Variants in MIGA1 observed in about 807,000 individuals in gnomAD.
MIGA1 encodes family with sequence similarity 73, member A.
A neutral mutation model predicts 82.0 loss-of-function variants in MIGA1; 58 were observed. The observed-to-expected ratio is 0.71, with a 90% CI of 0.57 to 0.88. MIGA1 has a LOEUF of 0.88. Ranked by LOEUF, MIGA1 falls within the 40% of genes least tolerant of loss-of-function variation. The pLI, the probability that MIGA1 is intolerant of heterozygous loss-of-function variation, is 0.00. For synonymous variants in MIGA1, 249 were observed against 253.6 expected (o/e 0.98, Z 0.17); for missense variants, 751 against 749.1 (o/e 1.00, Z -0.03).
At position 77,815,056 on chromosome 1, in the gene MIGA1, A is replaced by G. The variant is rs111423694; in HGVS notation, c.772-52A>G. The G allele has an allele frequency of 1.7e-4, 210 of 1,268,004 alleles. 7 individuals are homozygous for G. In the African/African-American group the frequency reaches 2.7e-3, roughly 16 times the overall value. 78.5% of individuals were successfully genotyped at this position (1,268,004 alleles called of 1,614,324 possible). A position where few individuals can be genotyped will look rare whatever the true frequency, so the allele number is the denominator to read the frequency against. ...ATTTAAAAGTGGGAAAAATATTTAG[A>G]ATTTTAACATTAGAATTTAATTTGT... On this transcript the variant is annotated intron_variant, in intron 6 of 15. Coordinates refer to ENST00000370791, the MANE Select transcript of MIGA1 (RefSeq NM_198549.4).
chr1:77,843,123 A>C (rs1255836437), intron 7 of MIGA1, among the ~76,000 whole-genome samples, 184 bp from the exon 8 acceptor site: 1 of 152,244 alleles, frequency 6.6e-6, no homozygotes, highest in Non-Finnish European at 1.5e-5. Context: ...TTTGCTTTGT[A>C]ACATTGTCTC....
At chr1:77,855,962 T>C (rs1049524643) in intron 8 of MIGA1, among the ~76,000 whole-genome samples, 9 of 152,180 alleles carry the variant, frequency 5.9e-5, no homozygotes, top group African/African-American at 2.2e-4. Context: ...GGCATCCTTG[T>C]CTTGTTCCCA....
chr1:77,806,686 A>AATGCTTATAAATTTT (rs1553213473), intron 4 of MIGA1, among the ~76,000 whole-genome samples: 1 of 152,234 alleles, frequency 6.6e-6, no homozygotes, highest in Non-Finnish European at 1.5e-5. Context: ...TTTATAAGTG[A>AATGCTTATAAATTTT]ATGCTTAAAA....
At chr1:77,834,169 T>A (rs1279489740) in intron 7 of MIGA1, among the ~76,000 whole-genome samples, 1 of 152,154 alleles carries the variant, frequency 6.6e-6, no homozygotes, top group Non-Finnish European at 1.5e-5. Context: ...CCTCATCATA[T>A]ATAACTTTTT....
Position 77,843,296 on chromosome 1 carries a change from T to A in MIGA1, c.896-11T>A. On this transcript the variant is annotated splice_polypyrimidine_tract_variant and intron_variant, in intron 7 of 15. Coordinates refer to ENST00000370791, the MANE Select transcript of MIGA1 (RefSeq NM_198549.4). ...TATCACTTTCTGAACTTTTCACCTTTTACTTTTAAGATAAAGATACAGATA... is the reference window on the plus strand; with the variant it reads ...TATCACTTTCTGAACTTTTCACCTTATACTTTTAAGATAAAGATACAGATA... 6.3e-7 allele frequency: 1 copy of A among 1,590,932 alleles called. No individual in the cohort carries two copies. Among genetic ancestry groups the A allele is most frequent in the East Asian group, 2.2e-5 (1 of 44,654 alleles).
intron 5 of MIGA1, among the ~76,000 whole-genome samples, chr1:77,813,323 G>C (rs376532655): frequency 6.6e-6 from 1 of 151,970 alleles, no homozygotes; most frequent in Non-Finnish European, 1.5e-5. Flanking sequence ...TTATAAACCC[G>C]GTAGCTTTTT....
chr1:77,805,155 C>A (rs745751606), intron 4 of MIGA1, among the ~76,000 whole-genome samples: 1 of 151,822 alleles, frequency 6.6e-6, no homozygotes, highest in Non-Finnish European at 1.5e-5. Flanking sequence ...CCACCACGCC[C>A]GGCTAATTTT....
chr1:77,800,960 GT>G (rs879776712), intron 2 of MIGA1, among the ~76,000 whole-genome samples: 85 of 152,026 alleles, frequency 5.6e-4, no homozygotes, highest in South Asian at 1.0e-3. Flanking sequence ...TTTCCAGATA[GT>G]TTTTTTTAAA....
At chr1:77,789,512 C>A (rs1682327162) in intron 2 of MIGA1, among the ~76,000 whole-genome samples, 1 of 152,096 alleles carries the variant, frequency 6.6e-6, no homozygotes, top group African/African-American at 2.4e-5. Flanking sequence ...GTTTGGCTTT[C>A]TCTCTCTTTC....
intron 8 of MIGA1, chr1:77,848,100 A>G: frequency 7.6e-7 from 1 of 1,313,574 alleles, no homozygotes; most frequent in Non-Finnish European, 1.1e-6. Context: ...GCACCAACAG[A>G]AGCAATCCAG....
rs529837863 is a variant in MIGA1 at position 77,847,495 on chromosome 1, G to A, written c.996+4088G>A. On this transcript the variant is annotated intron_variant, in intron 8 of 15. Coordinates refer to ENST00000370791, the MANE Select transcript of MIGA1 (RefSeq NM_198549.4). ...ATGGAAAAGAAAATACAGAGAGAAC[G>A]AGAAATGGAAAAGGAAATACAGAGA... 2.7e-5 allele frequency: 38 copies of A among 1,426,548 alleles called. No homozygotes were observed. The African/African-American group carries it at 4.2e-4, about 16-fold the overall frequency. The allele number at this position is 1,426,548 out of a possible 1,614,324, so 88.4% of individuals were successfully genotyped here. A position where few individuals can be genotyped will look rare whatever the true frequency, so the allele number is the denominator to read the frequency against.
intron 2 of MIGA1, among the ~76,000 whole-genome samples, chr1:77,788,641 T>A (rs75447952): frequency 6.6e-6 from 1 of 152,174 alleles, no homozygotes; most frequent in African/African-American, 2.4e-5. Flanking sequence ...GAGTTAATTT[T>A]TGTATGTATT....
chr1:77,801,336 AT>A lies in MIGA1; in HGVS notation c.205del (p.Ser69LeufsTer10). On this transcript the variant is annotated frameshift_variant, in exon 3 of 16. Transcript: ENST00000370791. LOFTEE classifies it high-confidence loss of function. ...TTTAACTGAATCTTTTCCAGATCAAATTTTCTCCGGTGGCTAAAAAGTTGTT... is the reference window on the plus strand; with the variant it reads ...TTTAACTGAATCTTTTCCAGATCAAATTTCTCCGGTGGCTAAAAAGTTGTT... 1 of 1,549,410 alleles carries A rather than the reference AT, an allele frequency of 6.5e-7. No individual in the cohort carries two copies. The highest frequency in any genetic ancestry group is 8.6e-7 in the Non-Finnish European group (1 of 1,158,522).
chr1:77,863,587 A>G (rs747226458), intron 12 of MIGA1, among the ~76,000 whole-genome samples: 1 of 152,214 alleles, frequency 6.6e-6, no homozygotes, highest in Non-Finnish European at 1.5e-5. Flanking sequence ...ACAGGCACAT[A>G]TACCAGTAAC....
chr1:77,873,052 A>C lies in MIGA1; in HGVS notation c.1612A>C (p.Ser538Arg). 1 of 1,613,982 alleles carries C rather than the reference A, an allele frequency of 6.2e-7. No homozygotes were observed. The highest frequency in any genetic ancestry group is 8.5e-7 in the Non-Finnish European group (1 of 1,179,894). Residue 538 changes from serine to arginine, a missense_variant, in exon 15 of 16, where the codon AGT (serine) becomes CGT (arginine). By Grantham distance (110) the Ser-to-Arg change is moderately radical (BLOSUM62 -1). Around this residue, in one of 3 missense-constraint regions of MIGA1, gnomAD observed 265 missense variants for 293.6 expected, o/e 0.90. Transcript: ENST00000370791. The stretch of plus-strand genomic sequence containing the variant: ...TTTTTATGCCATTTGTGAACACATC[A>C]GTCCTGTCCTAGCCTGGGGCTTTTT...
intron 12 of MIGA1, 93 bp downstream of exon 12, chr1:77,861,415 A>G (rs1316265081): frequency 8.4e-6 from 7 of 830,992 alleles, no homozygotes; most frequent in South Asian, 1.6e-5. Flanking sequence ...TCCTTGTTAA[A>G]TAAAGCCAAT....
intron 15 of MIGA1, among the ~76,000 whole-genome samples, chr1:77,873,918 G>A (rs1189373535): frequency 6.6e-6 from 1 of 152,164 alleles, no homozygotes; most frequent in Non-Finnish European, 1.5e-5. Context: ...TGTAAGGTAT[G>A]TGTTTTAGGG....
intron 7 of MIGA1, among the ~76,000 whole-genome samples, chr1:77,841,350 AAT>A (rs556605483): frequency 1.6e-3 from 242 of 151,814 alleles, no homozygotes; most frequent in Admixed American, 7.3e-3. Context: ...GTAGGAAAAA[AAT>A]ATGTTACATG....
intron 14 of MIGA1, among the ~76,000 whole-genome samples, chr1:77,871,994 G>T (rs1204214761): frequency 6.6e-6 from 1 of 151,748 alleles, no homozygotes. Flanking sequence ...TTGAGACAGA[G>T]TCTTACTTTG....
Sources: allele counts gnomAD v4.1 joint callset (sites outside exome capture counted in the v4.1 genomes callset), GRCh38; gene constraint gnomAD v4.1.1; regional missense constraint gnomAD v4.1.1; transcripts MANE v1.5; gene names NCBI Gene and HGNC (gene_info 2026-07-23, HGNC 2026-07-21).